Variants in PALM2AKAP2 observed in about 807,000 individuals in gnomAD.
The protein encoded by PALM2AKAP2 is PALM2 and AKAP2 fusion, also known as PALM2-AKAP2 fusion protein.
A neutral mutation model predicts 71.5 loss-of-function variants in PALM2AKAP2; 37 were observed. The observed-to-expected ratio is 0.52, with a 90% CI of 0.40 to 0.68. PALM2AKAP2 has a LOEUF of 0.68. PALM2AKAP2 is among the 30% of genes least tolerant of loss of function. PALM2AKAP2 has a pLI of 0.00. For missense variants in PALM2AKAP2, 1,224 were observed against 1,191.8 expected, an observed-to-expected ratio of 1.03 and a Z score of -0.40; for synonymous variants, 468 against 478.8, an observed-to-expected ratio of 0.98 and a Z score of 0.29.
intron 6 of PALM2AKAP2, among the ~76,000 whole-genome samples, chr9:109,934,747 T>A (rs1219474689): frequency 6.6e-6 from 1 of 152,222 alleles, no homozygotes; most frequent in Admixed American, 6.5e-5. Flanking sequence ...TCAGCCTCAC[T>A]CCGTTTATCC....
chr9:109,979,328 G>T (rs549498948), intron 6 of PALM2AKAP2, among the ~76,000 whole-genome samples: 1 of 152,278 alleles, frequency 6.6e-6, no homozygotes, highest in East Asian at 1.9e-4. Flanking sequence ...AGCCATGAGG[G>T]TGGAGGAAGA....
At chr9:110,080,724 G>A (rs1024655305) in intron 1 of PALM2AKAP2, among the ~76,000 whole-genome samples, 5 of 152,146 alleles carry the variant, frequency 3.3e-5, no homozygotes, top group East Asian at 1.9e-4. Context: ...CGTTGCCCAC[G>A]CTGGAGTGCA....
intron 1 of PALM2AKAP2, among the ~76,000 whole-genome samples, chr9:109,694,219 C>T (rs1827936466): frequency 6.6e-6 from 1 of 151,986 alleles, no homozygotes; most frequent in African/African-American, 2.4e-5. Context: ...CCATAGGGCT[C>T]AGATGAGTAC....
intron 6 of PALM2AKAP2, among the ~76,000 whole-genome samples, chr9:109,968,283 C>T (rs957163062): frequency 6.6e-6 from 1 of 152,198 alleles, no homozygotes; most frequent in African/African-American, 2.4e-5. Flanking sequence ...ACCCCATAGG[C>T]TGTGGAAGGC....
chr9:109,723,880 A>G (rs1357626837), intron 1 of PALM2AKAP2, among the ~76,000 whole-genome samples: 1 of 152,218 alleles, frequency 6.6e-6, no homozygotes, highest in African/African-American at 2.4e-5. Flanking sequence ...GGTACTAAAT[A>G]TATATTTGTT....
At chr9:109,757,277 T>C (rs1439874845) in intron 1 of PALM2AKAP2, among the ~76,000 whole-genome samples, 1 of 152,148 alleles carries the variant, frequency 6.6e-6, no homozygotes, top group Non-Finnish European at 1.5e-5. Flanking sequence ...TTCCATCACA[T>C]TGCTTCAAGA....
chr9:109,732,974 T>A (rs1828578837), intron 1 of PALM2AKAP2, among the ~76,000 whole-genome samples: 1 of 152,088 alleles, frequency 6.6e-6, no homozygotes, highest in African/African-American at 2.4e-5. Flanking sequence ...GAATGAGGCA[T>A]GCATGGTAAG....
At chr9:109,892,431 C>T (rs1830109802) in intron 3 of PALM2AKAP2, among the ~76,000 whole-genome samples, 1 of 152,154 alleles carries the variant, frequency 6.6e-6, no homozygotes, top group Non-Finnish European at 1.5e-5. Flanking sequence ...CCCTTTTATC[C>T]ACATAAGGTC....
chr9:109,782,274 C>T (rs903437010), intron 1 of PALM2AKAP2, among the ~76,000 whole-genome samples: 1 of 152,040 alleles, frequency 6.6e-6, no homozygotes, highest in Non-Finnish European at 1.5e-5. Context: ...CACACAAATA[C>T]TCACTTGTGC....
At chr9:109,941,708 G>A (rs1831374327) in intron 6 of PALM2AKAP2, among the ~76,000 whole-genome samples, 2 of 152,156 alleles carry the variant, frequency 1.3e-5, no homozygotes, top group African/African-American at 4.8e-5. Context: ...GAAGTATGAG[G>A]TGTCACAAGA....
chr9:109,966,181 A>G (rs986452590), intron 6 of PALM2AKAP2, among the ~76,000 whole-genome samples: 1 of 152,112 alleles, frequency 6.6e-6, no homozygotes, highest in African/African-American at 2.4e-5. Flanking sequence ...AGAAAGATCA[A>G]TCTGGGGCAT....
At chr9:109,889,312 T>TA (rs1205063000) in intron 3 of PALM2AKAP2, among the ~76,000 whole-genome samples, 3 of 152,228 alleles carry the variant, frequency 2.0e-5, no homozygotes, top group Non-Finnish European at 4.4e-5. Context: ...ACTGACATGT[T>TA]ATGCGGATCA....
Position 109,707,338 on chromosome 9 carries a change from G to A in PALM2AKAP2, c.5+66472G>A, listed in dbSNP as rs576511948. ...CGCCTCCCATTATAAAATGGAAAAC[G>A]CTGGTACCTGCTTGCTAAAGTTTAG... On this transcript the variant is annotated intron_variant, in intron 1 of 6. Coordinates refer to the PALM2AKAP2 transcript ENST00000374531. Among the ~76,000 whole-genome samples the A allele has an allele frequency of 2.0e-5, 3 of 152,108 alleles. No individual in the cohort carries two copies. The East Asian group carries it at 5.8e-4, about 29-fold the overall frequency.
At chr9:109,974,722 G>A (rs1055738901) in intron 6 of PALM2AKAP2, among the ~76,000 whole-genome samples, 1 of 152,144 alleles carries the variant, frequency 6.6e-6, no homozygotes, top group East Asian at 1.9e-4. Flanking sequence ...CAGAGTATGG[G>A]GCCCAGCACT....
At chr9:109,736,019 G>A (rs1374679978) in intron 1 of PALM2AKAP2, among the ~76,000 whole-genome samples, 4 of 152,170 alleles carry the variant, frequency 2.6e-5, no homozygotes, top group African/African-American at 9.7e-5. Flanking sequence ...TCATGTCCCA[G>A]CATAAGAAAG....
rs573874405 is a variant in PALM2AKAP2 at position 109,726,173 on chromosome 9, C to A, written c.6-54315C>A. Reference sequence around the variant, plus strand: ...GAAGCCAGACTCTTTTTATTCCAGCCTCCCTTTCCACTTGAGCATAGACAT... The same window carrying A: ...GAAGCCAGACTCTTTTTATTCCAGCATCCCTTTCCACTTGAGCATAGACAT... On this transcript the variant is annotated intron_variant, in intron 1 of 6. Coordinates refer to the PALM2AKAP2 transcript ENST00000374531. 3.3e-5 allele frequency among the ~76,000 whole-genome samples: 5 copies of A among 152,184 alleles called. No homozygotes were observed. The South Asian group carries it at 8.3e-4, about 25-fold the overall frequency.
intron 1 of PALM2AKAP2, among the ~76,000 whole-genome samples, chr9:109,770,946 C>G (rs1413223299): frequency 6.6e-6 from 1 of 152,200 alleles, no homozygotes; most frequent in African/African-American, 2.4e-5. Context: ...ATTTTACAGA[C>G]AGCATAGCTT....
chr9:109,654,773 G>GTA (rs1360349614), intron 1 of PALM2AKAP2, among the ~76,000 whole-genome samples: 8 of 151,788 alleles, frequency 5.3e-5, no homozygotes, highest in African/African-American at 1.9e-4. Flanking sequence ...GTGTGTGTGT[G>GTA]TGTGTATATG....
intron 3 of PALM2AKAP2, among the ~76,000 whole-genome samples, chr9:109,884,361 T>C (rs757071383): frequency 5.7e-4 from 87 of 152,128 alleles, no homozygotes; most frequent in Non-Finnish European, 7.8e-4. Flanking sequence ...ACTTGGGAGG[T>C]TGAGGCACGA....
Sources: gnomAD v4.1 joint callset for allele counts (sites outside exome capture counted in the v4.1 genomes callset) on GRCh38, gnomAD v4.1.1 for gene constraint, MANE v1.5 for transcripts, NCBI Gene and HGNC (gene_info 2026-07-23, HGNC 2026-07-21) for gene names.